TSGA10: variants seen among roughly 807,000 people sequenced by gnomAD.
TSGA10 encodes the protein testis specific 10, also known as testis-specific gene 10 protein.
In TSGA10, 43 loss-of-function variants were observed where a neutral mutation model predicts 96.6. That is an observed-to-expected ratio of 0.44 (90% confidence interval 0.35 to 0.57). The LOEUF (loss-of-function observed/expected upper bound fraction) is 0.57. Ranked by LOEUF, TSGA10 falls within the 20% of genes least tolerant of loss-of-function variation. The pLI is 0.01. For missense variants in TSGA10, 703 were observed against 834.4 expected (o/e 0.84, Z 1.94); for synonymous variants, 229 against 269.9 (o/e 0.85, Z 1.48).
At position 99,109,421 on chromosome 2, in the gene TSGA10, T is replaced by C. The variant is rs2091627727; in HGVS notation, c.19A>G (p.Lys7Glu). Reference sequence around the variant, plus strand: ...GTTGGTGATGGGCGTCTTGGACTTTTAGACCTACTTCGCATCATCTTTCTC... The same window carrying C: ...GTTGGTGATGGGCGTCTTGGACTTTCAGACCTACTTCGCATCATCTTTCTC... MMRSRS[K>E]SPRRPSPTAR... The change falls in exon 6 of 21, where the codon AAA becomes GAA. Residue 7 changes from lysine (K) to glutamate (E), a missense_variant. Lys to Glu is a moderately conservative substitution (Grantham distance 56). Around this residue, in one of 3 missense-constraint regions of TSGA10, gnomAD observed 585 missense variants for 656.8 expected, o/e 0.89. Coordinates refer to ENST00000393483, the MANE Select transcript of TSGA10 (RefSeq NM_025244.4). 1.9e-6 allele frequency: 3 copies of C among 1,614,034 alleles called. No homozygotes were observed. In the East Asian group the frequency reaches 6.7e-5, roughly 36 times the overall value.
chr2:99,013,709 T>C (rs1394692449), intron 20 of TSGA10, among the ~76,000 whole-genome samples: 3 of 151,792 alleles, frequency 2.0e-5, no homozygotes, highest in Admixed American at 6.5e-5. Flanking sequence ...TAAAAATACA[T>C]GGACATTAAA....
At chr2:99,056,748 A>G (rs955771884) in intron 16 of TSGA10, among the ~76,000 whole-genome samples, 1 of 151,100 alleles carries the variant, frequency 6.6e-6, no homozygotes. Context: ...TCACTCTGAT[A>G]TTAAAAACAG....
In TSGA10 at chr2:98,998,094, C is replaced by A; in HGVS notation, c.*103G>T. ...ACACAAAGTTAATAAATACATTTAA[C>A]ATTGCCAAGCATTTAAAAGATAAAT... On this transcript the variant is annotated 3_prime_UTR_variant, in exon 21 of 21. Transcript: ENST00000393483. The A allele has an allele frequency of 1.1e-6, 1 of 951,772 alleles. No individual in the cohort carries two copies. The highest frequency in any genetic ancestry group is 1.6e-6 in the Non-Finnish European group (1 of 615,980). The allele number at this position is 951,772 out of a possible 1,614,324, so 59.0% of individuals were successfully genotyped here.
intron 12 of TSGA10, among the ~76,000 whole-genome samples, chr2:99,074,073 C>G (rs546288512): frequency 8.3e-6 from 1 of 120,220 alleles, no homozygotes; most frequent in South Asian, 2.8e-4. Flanking sequence ...AGTGCGAGGG[C>G]GCGATCTCGG....
chr2:99,030,299 A>T (rs1479326732), intron 17 of TSGA10, among the ~76,000 whole-genome samples: 1 of 151,928 alleles, frequency 6.6e-6, no homozygotes, highest in Admixed American at 6.6e-5. Context: ...GTGAGCCAAG[A>T]TAGTGCCACT....
intron 1 of TSGA10, among the ~76,000 whole-genome samples, chr2:99,134,777 T>A (rs1326905482): frequency 6.6e-6 from 1 of 152,224 alleles, no homozygotes; most frequent in Non-Finnish European, 1.5e-5. Context: ...GGTTTCTGTG[T>A]GGACGTCATT....
At chr2:99,085,402 CA>C (rs1484401811) in intron 10 of TSGA10, among the ~76,000 whole-genome samples, 1 of 151,660 alleles carries the variant, frequency 6.6e-6, no homozygotes, top group Non-Finnish European at 1.5e-5. Context: ...GCTGGGAGAT[CA>C]AGACCAGCCT....
intron 18 of TSGA10, among the ~76,000 whole-genome samples, chr2:99,019,050 C>A (rs2079781661): frequency 6.6e-6 from 1 of 152,104 alleles, no homozygotes; most frequent in African/African-American, 2.4e-5. Context: ...TTATATATAT[C>A]TATTCAACCA....
At chr2:99,054,691 T>A (rs2083780284) in intron 16 of TSGA10, among the ~76,000 whole-genome samples, 3 of 152,162 alleles carry the variant, frequency 2.0e-5, no homozygotes. Context: ...GCAAAGAGCC[T>A]GAATAGACAT....
chr2:99,006,447 G>GA (rs932723272), intron 20 of TSGA10, among the ~76,000 whole-genome samples: 11 of 151,518 alleles, frequency 7.3e-5, no homozygotes, highest in African/African-American at 1.2e-4. Context: ...GAATTTACAA[G>GA]AAAAAAAACA....
At chr2:99,113,866 C>A (rs558008196) in intron 4 of TSGA10, among the ~76,000 whole-genome samples, 44 of 152,136 alleles carry the variant, frequency 2.9e-4, no homozygotes, top group African/African-American at 1.0e-3. Context: ...ATAACAATTT[C>A]CTGAGAAACA....
chr2:99,059,515 T>C (rs1573944873), intron 16 of TSGA10, among the ~76,000 whole-genome samples: 1 of 151,864 alleles, frequency 6.6e-6, no homozygotes, highest in South Asian at 2.1e-4. Context: ...GGCAGGCACC[T>C]GTAATCCCAG....
At chr2:99,063,723 T>C (rs960188158) in intron 16 of TSGA10, among the ~76,000 whole-genome samples, 14 of 151,818 alleles carry the variant, frequency 9.2e-5, no homozygotes, top group African/African-American at 3.1e-4. Context: ...GGAGAATCAC[T>C]TGAATCTGGA....
intron 16 of TSGA10, among the ~76,000 whole-genome samples, chr2:99,042,627 T>C (rs1334185176): frequency 6.6e-6 from 1 of 152,132 alleles, no homozygotes; most frequent in Non-Finnish European, 1.5e-5. Context: ...CTGTCTGTGC[T>C]ATACTGACTA....
intron 12 of TSGA10, among the ~76,000 whole-genome samples, chr2:99,074,029 T>TTTTTTTTTTTTTTTTTTTG (rs1241657890): frequency 5.1e-5 from 7 of 136,800 alleles, no homozygotes; most frequent in African/African-American, 1.7e-4. Context: ...TTTTTTTTTT[T>TTTTTTTTTTTTTTTTTTTG]GAGATGGAGT....
At position 99,048,188 on chromosome 2, in the gene TSGA10, C is replaced by G. The variant is rs568015319; in HGVS notation, c.1405-12749G>C. On this transcript the variant is annotated intron_variant, in intron 16 of 20. Transcript: ENST00000393483. ...TTCAATGCTATCCCCATCAAGCTAC[C>G]ATTGACTTTCTTCACAGAATCAGAA... is the stretch of plus-strand genomic sequence containing the variant. Among the ~76,000 whole-genome samples the G allele has an allele frequency of 1.3e-4, 20 of 152,234 alleles. No homozygotes were observed. The South Asian group carries it at 4.1e-3, about 32-fold the overall frequency.
intron 16 of TSGA10, among the ~76,000 whole-genome samples, chr2:99,048,836 C>T (rs1272297327): frequency 6.6e-6 from 1 of 151,960 alleles, no homozygotes; most frequent in Non-Finnish European, 1.5e-5. Flanking sequence ...ATTCATCTGA[C>T]AAAGGGCTAA....
intron 20 of TSGA10, among the ~76,000 whole-genome samples, chr2:99,010,052 G>A (rs999150294): frequency 6.6e-6 from 1 of 152,108 alleles, no homozygotes; most frequent in African/African-American, 2.4e-5. Flanking sequence ...GTGATACATA[G>A]AAATATATCT....
chr2:99,144,166 G>A (rs1337192281), intron 1 of TSGA10, among the ~76,000 whole-genome samples: 1 of 151,940 alleles, frequency 6.6e-6, no homozygotes, highest in Non-Finnish European at 1.5e-5. Flanking sequence ...GACTACAGGC[G>A]CCCACCACCA....
Sources: allele counts gnomAD v4.1 joint callset (sites outside exome capture counted in the v4.1 genomes callset), GRCh38; gene constraint gnomAD v4.1.1; regional missense constraint gnomAD v4.1.1; transcripts MANE v1.5; gene names NCBI Gene and HGNC (gene_info 2026-07-23, HGNC 2026-07-21).